Variants in TSHR observed in about 807,000 individuals in gnomAD.
TSHR encodes the protein thyrotropin receptor.
A neutral mutation model predicts 64.1 loss-of-function variants in TSHR; 51 were observed. The ratio of observed to expected loss-of-function variants is 0.80; its 90% confidence interval spans 0.64 to 1.01. The LOEUF is 1.01. Ranked by LOEUF, TSHR falls within the 50% of genes least tolerant of loss-of-function variation. The pLI is 0.00. For missense variants in TSHR, 877 were observed against 942.8 expected, an observed-to-expected ratio of 0.93 and a Z score of 0.91; for synonymous variants, 361 against 361.9, an observed-to-expected ratio of 1.00 and a Z score of 0.03.
chr14:81,103,477 A>T lies in TSHR; in HGVS notation c.615-4898A>T. On this transcript the variant is annotated intron_variant, in intron 7 of 9. Coordinates refer to ENST00000298171, the MANE Select transcript of TSHR (RefSeq NM_000369.5). This position sits in a 1 kb window ranked among gnomAD's most constrained non-coding sequence, Gnocchi z 4.1. ...TCGACCTCATTTACACTCATTTTTT[A>T]AAATGTAACTGAATAATACAATTAC... 1.0e-6 allele frequency: 1 copy of T among 985,466 alleles called. No individual in the cohort carries two copies. Among genetic ancestry groups the T allele is most frequent in the South Asian group, 4.7e-5 (1 of 21,290 alleles). 61.0% of individuals were successfully genotyped at this position (985,466 alleles called of 1,614,324 possible).
chr14:81,130,422 T>A (rs1363745392), intron 8 of TSHR, among the ~76,000 whole-genome samples: 7 of 152,222 alleles, frequency 4.6e-5, no homozygotes, highest in Non-Finnish European at 7.3e-5. Flanking sequence ...CTCCTTGGAA[T>A]GTATTCTTCT....
chr14:81,075,575 A>T (rs1229965778), intron 3 of TSHR, among the ~76,000 whole-genome samples: 2 of 151,450 alleles, frequency 1.3e-5, no homozygotes, highest in African/African-American at 4.8e-5. Context: ...TACATGTGCC[A>T]TGCTGGTGTG....
chr14:81,144,598 C>T lies in TSHR; in HGVS notation c.*245C>T, dbSNP rs7144481. ...TGCCAGGTGAAATCAAAATAATCTA[C>T]ACTATCTAGAAGACTTTCTTGATGC... On this transcript the variant is annotated 3_prime_UTR_variant, in exon 10 of 10. Transcript: ENST00000298171. The T allele has an allele frequency of 0.85, 482,662 of 564,592 alleles. 206,631 individuals are homozygous for T. The highest frequency in any genetic ancestry group is 0.86 in the Non-Finnish European group (273,436 of 316,268). The allele number at this position is 564,592 out of a possible 1,614,324, so 35.0% of individuals were successfully genotyped here. A position where few individuals can be genotyped will look rare whatever the true frequency, so the allele number is the denominator to read the frequency against.
chr14:80,996,285 C>G (rs1889017025), intron 1 of TSHR, among the ~76,000 whole-genome samples: 1 of 152,136 alleles, frequency 6.6e-6, no homozygotes, highest in Non-Finnish European at 1.5e-5. Flanking sequence ...GTTGGAACAT[C>G]TAGATGCCCT....
At chr14:81,104,732 CA>C (rs747402163) in intron 7 of TSHR, 20,300 of 985,366 alleles carry the variant, frequency 0.021, 222 homozygotes, top group Non-Finnish European at 0.023. Context: ...TTCCTGACTG[CA>C]TTGGTCTTCC....
chr14:81,102,105 G>A (rs1889620603), intron 7 of TSHR, among the ~76,000 whole-genome samples: 1 of 151,352 alleles, frequency 6.6e-6, no homozygotes, highest in Non-Finnish European at 1.5e-5. Context: ...CCGGGAGGCG[G>A]AGCTTGCAGT....
At chr14:81,090,339 G>T (rs923435137) in intron 4 of TSHR, among the ~76,000 whole-genome samples, 3 of 152,138 alleles carry the variant, frequency 2.0e-5, no homozygotes, top group Admixed American at 1.3e-4. Flanking sequence ...CCACCTCCCA[G>T]GTTCAAGTGA....
At chr14:81,002,742 A>G in intron 1 of TSHR, among the ~76,000 whole-genome samples, 1 of 137,206 alleles carries the variant, frequency 7.3e-6, no homozygotes. Flanking sequence ...CTATTTCTCA[A>G]CTCCATGGTA....
chr14:80,973,332 G>A (rs145707128), intron 1 of TSHR, among the ~76,000 whole-genome samples: 1 of 147,176 alleles, frequency 6.8e-6, no homozygotes, highest in African/African-American at 2.5e-5. Context: ...GTGAACCCCG[G>A]GGGGCGGAGC....
At chr14:81,048,572 G>T (rs534228584) in intron 1 of TSHR, among the ~76,000 whole-genome samples, 1 of 152,276 alleles carries the variant, frequency 6.6e-6, no homozygotes, top group East Asian at 1.9e-4. Flanking sequence ...CTGCCAGGAT[G>T]GGCTCTGGCC....
At chr14:81,035,933 C>T (rs12323790) in intron 1 of TSHR, among the ~76,000 whole-genome samples, 37,160 of 151,648 alleles carry the variant, frequency 0.25, 4,669 homozygotes, top group South Asian at 0.33. Context: ...AAAATTTAAC[C>T]AATAAAATGA....
At chr14:81,104,931 G>A (rs1206085204) in intron 7 of TSHR, 4 of 985,216 alleles carry the variant, frequency 4.1e-6, no homozygotes, top group African/African-American at 1.7e-5. Context: ...TATTTTTAAA[G>A]GAAATACCAG....
At chr14:81,018,836 C>T (rs2139793890) in intron 1 of TSHR, among the ~76,000 whole-genome samples, 1 of 152,254 alleles carries the variant, frequency 6.6e-6, no homozygotes, top group African/African-American at 2.4e-5. Flanking sequence ...TGCAAAATCC[C>T]AGAAAACATT....
chr14:81,020,923 A>G (rs1289564523), intron 1 of TSHR, among the ~76,000 whole-genome samples: 1 of 151,992 alleles, frequency 6.6e-6, no homozygotes, highest in Non-Finnish European at 1.5e-5. Flanking sequence ...CTGCAGTGAC[A>G]GCAACCAAAA....
intron 5 of TSHR, among the ~76,000 whole-genome samples, chr14:81,092,313 C>A (rs372831185): frequency 7.9e-4 from 120 of 152,260 alleles, no homozygotes; most frequent in African/African-American, 2.8e-3. Flanking sequence ...CTCTCACTTA[C>A]CCCACATTTG....
At chr14:81,025,373 T>A (rs1011901845) in intron 1 of TSHR, among the ~76,000 whole-genome samples, 9 of 152,194 alleles carry the variant, frequency 5.9e-5, no homozygotes, top group Non-Finnish European at 1.5e-5. Flanking sequence ...TTTTTAAAAT[T>A]GTATATAATT....
At chr14:80,990,237 C>T (rs542238363) in intron 1 of TSHR, among the ~76,000 whole-genome samples, 17 of 152,328 alleles carry the variant, frequency 1.1e-4, no homozygotes, top group African/African-American at 3.8e-4. Flanking sequence ...TGCTTCCCAG[C>T]GAACCTGGAA....
intron 7 of TSHR, among the ~76,000 whole-genome samples, chr14:81,100,700 C>T (rs960826393): frequency 6.6e-6 from 1 of 152,292 alleles, no homozygotes; most frequent in Non-Finnish European, 1.5e-5. Flanking sequence ...CTCAGGGAGA[C>T]ACTTTAAAGG....
intron 1 of TSHR, among the ~76,000 whole-genome samples, chr14:81,005,934 C>A (rs1417462285): frequency 6.6e-6 from 1 of 152,066 alleles, no homozygotes; most frequent in Admixed American, 6.5e-5. Context: ...GATACTAACC[C>A]TAAGAAATAA....
Sources: gnomAD v4.1 joint callset for allele counts (sites outside exome capture counted in the v4.1 genomes callset) on GRCh38, gnomAD v4.1.1 for gene constraint, Gnocchi (gnomAD v3.1) non-coding constraint, MANE v1.5 for transcripts, NCBI Gene and HGNC (gene_info 2026-07-23, HGNC 2026-07-21) for gene names.